The following SENP7 variants were observed in gnomAD, a reference collection of about 807,000 sequenced individuals.
SENP7 encodes the protein SUMO specific peptidase 7, also known as sentrin-specific protease 7.
A neutral mutation model predicts 141.2 loss-of-function variants in SENP7; 64 were observed. The ratio of observed to expected loss-of-function variants is 0.45; its 90% CI spans 0.37 to 0.56. The LOEUF (loss-of-function observed/expected upper bound fraction) is 0.56. Ranked by LOEUF, SENP7 falls within the 20% of genes least tolerant of loss-of-function variation. The pLI, the probability that SENP7 is intolerant of heterozygous loss-of-function variation, is 0.00. For synonymous variants in SENP7, 382 were observed against 426.4 expected, an observed-to-expected ratio of 0.90 and a Z score of 1.28; for missense variants, 1,025 against 1,212.2, an observed-to-expected ratio of 0.85 and a Z score of 2.29.
chr3:101,502,620 G>GAA (rs1256153055), intron 1 of SENP7, among the ~76,000 whole-genome samples: 1 of 125,010 alleles, frequency 8.0e-6, no homozygotes, highest in African/African-American at 2.8e-5. Flanking sequence ...AAAGAAAAAA[G>GAA]AAAAAAAAAA....
intron 2 of SENP7, among the ~76,000 whole-genome samples, chr3:101,500,229 A>G (rs1370893362): frequency 6.6e-6 from 1 of 152,212 alleles, no homozygotes; most frequent in Non-Finnish European, 1.5e-5. Context: ...TCGGGATATT[A>G]CTGCATTTAA....
chr3:101,474,626 T>C (rs991753839), intron 3 of SENP7, among the ~76,000 whole-genome samples: 7 of 152,116 alleles, frequency 4.6e-5, no homozygotes, highest in African/African-American at 1.2e-4. Context: ...TGTCTGCAAA[T>C]AGGAATAGTT....
intron 6 of SENP7, 30 bp downstream of exon 6, chr3:101,398,831 T>C: frequency 7.1e-7 from 1 of 1,410,022 alleles, no homozygotes; most frequent in South Asian, 1.4e-5. Flanking sequence ...TAAATATAAT[T>C]ATTTTGAGTA....
chr3:101,477,913 A>C (rs1171392513), intron 3 of SENP7, among the ~76,000 whole-genome samples: 1 of 152,044 alleles, frequency 6.6e-6, no homozygotes, highest in Admixed American at 6.6e-5. Context: ...AGAAAACAGA[A>C]AGACTAAAAA....
intron 4 of SENP7, among the ~76,000 whole-genome samples, chr3:101,423,641 G>A (rs2061855273): frequency 6.6e-6 from 1 of 152,148 alleles, no homozygotes; most frequent in African/African-American, 2.4e-5. Flanking sequence ...GGACCAAGAC[G>A]ATGGGTGCAC....
chr3:101,427,694 T>A (rs1224748622), intron 4 of SENP7, among the ~76,000 whole-genome samples: 1 of 152,024 alleles, frequency 6.6e-6, no homozygotes, highest in Non-Finnish European at 1.5e-5. Flanking sequence ...ATCAAATAAA[T>A]TTTTTATTTA....
At chr3:101,359,469 G>A (rs1429941038) in intron 11 of SENP7, among the ~76,000 whole-genome samples, 1 of 151,314 alleles carries the variant, frequency 6.6e-6, no homozygotes, top group Non-Finnish European at 1.5e-5. Flanking sequence ...CCTCCAATTT[G>A]AATGTACTTT....
intron 10 of SENP7, among the ~76,000 whole-genome samples, chr3:101,362,654 C>T (rs931436758): frequency 7.2e-5 from 11 of 152,092 alleles, no homozygotes; most frequent in Non-Finnish European, 1.5e-4. Context: ...CTATTGTTCC[C>T]ATCTTTATGC....
intron 14 of SENP7, among the ~76,000 whole-genome samples, chr3:101,342,534 A>C (rs1330618198): frequency 6.6e-6 from 1 of 152,196 alleles, no homozygotes; most frequent in Non-Finnish European, 1.5e-5. Context: ...ACAATGACCA[A>C]AACTAAAAAA....
At chr3:101,416,883 TA>T (rs570238375) in intron 5 of SENP7, among the ~76,000 whole-genome samples, 1 of 152,200 alleles carries the variant, frequency 6.6e-6, no homozygotes, top group Non-Finnish European at 1.5e-5. Flanking sequence ...TAAGTTATTC[TA>T]ACTGAAAATA....
At chr3:101,512,239 G>A (rs569483228) in intron 1 of SENP7, among the ~76,000 whole-genome samples, 1 of 152,188 alleles carries the variant, frequency 6.6e-6, no homozygotes, top group Admixed American at 6.5e-5. Context: ...GTAAGCATAT[G>A]AGTCCTCGTC....
chr3:101,328,446 C>T, intron 22 of SENP7, 32 bp downstream of exon 22: 2 of 1,535,536 alleles, frequency 1.3e-6, no homozygotes, highest in East Asian at 4.5e-5. Flanking sequence ...TTTTAGATAA[C>T]AGACTGGAAT....
chr3:101,358,328 G>T (rs902045860), intron 11 of SENP7: 15 of 799,190 alleles, frequency 1.9e-5, no homozygotes, highest in Admixed American at 4.2e-5. Context: ...AATTCATATT[G>T]CACAGGAAAC....
chr3:101,381,911 C>T (rs2060512505), intron 6 of SENP7, among the ~76,000 whole-genome samples: 1 of 151,900 alleles, frequency 6.6e-6, no homozygotes, highest in Non-Finnish European at 1.5e-5. Context: ...TACCAAATTA[C>T]CAAAGGAAAG....
chr3:101,510,007 C>T (rs1024142432), intron 1 of SENP7, among the ~76,000 whole-genome samples: 13 of 152,352 alleles, frequency 8.5e-5, no homozygotes, highest in African/African-American at 2.9e-4. Context: ...GAGAGTGACA[C>T]AGGCCTCCAA....
chr3:101,351,524 A>C, intron 12 of SENP7, 94 bp downstream of exon 12: 1 of 1,015,188 alleles, frequency 9.9e-7, no homozygotes, highest in Non-Finnish European at 1.3e-6. Context: ...TTGCTAAAAA[A>C]TATTAAGGTG....
chr3:101,337,801 A>C (rs1299678630), intron 16 of SENP7, among the ~76,000 whole-genome samples, 170 bp from the exon 17 acceptor site: 2 of 152,190 alleles, frequency 1.3e-5, no homozygotes, highest in African/African-American at 4.8e-5. Flanking sequence ...CTAGCCTTCC[A>C]TCATGTAAAG....
chr3:101,500,529 C>T (rs2065336989), intron 2 of SENP7, among the ~76,000 whole-genome samples: 1 of 152,028 alleles, frequency 6.6e-6, no homozygotes, highest in African/African-American at 2.4e-5. Flanking sequence ...GGCAACAGAG[C>T]AAGACCCTGT....
chr3:101,508,526 GA>G (rs1318060790), intron 1 of SENP7, among the ~76,000 whole-genome samples: 1 of 152,164 alleles, frequency 6.6e-6, no homozygotes, highest in Non-Finnish European at 1.5e-5. Context: ...ATGAACCCAG[GA>G]GGCGGAGCTT....
Sources: gnomAD v4.1 joint callset for allele counts (sites outside exome capture counted in the v4.1 genomes callset) on GRCh38, gnomAD v4.1.1 for gene constraint, MANE v1.5 for transcripts, NCBI Gene and HGNC (gene_info 2026-07-23, HGNC 2026-07-21) for gene names.